Variants in UBE2G2 observed in about 807,000 individuals in gnomAD.
UBE2G2 encodes the protein ubiquitin-conjugating enzyme E2 G2.
A neutral mutation model predicts 23.0 loss-of-function variants in UBE2G2; 10 were observed. The ratio of observed to expected loss-of-function variants is 0.43; its 90% confidence interval spans 0.27 to 0.74. The LOEUF is 0.74. Ranked by LOEUF, UBE2G2 falls within the 30% of genes least tolerant of loss-of-function variation. UBE2G2 has a pLI of 0.19. For synonymous variants in UBE2G2, 86 were observed against 81.3 expected (o/e 1.06, Z -0.31); for missense variants, 150 against 218.3 (o/e 0.69, Z 1.97).
Position 44,771,578 on chromosome 21 carries a change from G to A in UBE2G2, c.386-89C>T, listed in dbSNP as rs1273828062. ...TCTCCCATTTATTTAAAACACTGGCGGGGGCTTTCAAGAGCTGTGTCCCAG... is the reference window on the plus strand; with the variant it reads ...TCTCCCATTTATTTAAAACACTGGCAGGGGCTTTCAAGAGCTGTGTCCCAG... On this transcript the variant is annotated intron_variant, in intron 5 of 5. Transcript: ENST00000345496. This position sits in a 1 kb window ranked among gnomAD's most constrained non-coding sequence, Gnocchi z 4.6. 1.2e-5 allele frequency: 17 copies of A among 1,361,660 alleles called. No individual in the cohort carries two copies. Among genetic ancestry groups the A allele is most frequent in the South Asian group, 8.4e-5 (7 of 83,762 alleles). 84.3% of individuals were successfully genotyped at this position (1,361,660 alleles called of 1,614,324 possible). A position where few individuals can be genotyped will look rare whatever the true frequency, so the allele number is the denominator to read the frequency against.
At chr21:44,787,186 T>C (rs1239508041) in intron 3 of UBE2G2, among the ~76,000 whole-genome samples, 4 of 151,906 alleles carry the variant, frequency 2.6e-5, no homozygotes, top group Non-Finnish European at 5.9e-5. Context: ...CTCACTTTGC[T>C]GAAAATACAC....
At chr21:44,784,876 G>A (rs1303537837) in intron 3 of UBE2G2, among the ~76,000 whole-genome samples, 1 of 152,240 alleles carries the variant, frequency 6.6e-6, no homozygotes, top group Non-Finnish European at 1.5e-5. Context: ...CACCAAGCCA[G>A]CTGATTTGGG....
intron 3 of UBE2G2, among the ~76,000 whole-genome samples, chr21:44,778,040 A>G (rs2082926439): frequency 6.6e-6 from 1 of 152,198 alleles, no homozygotes; most frequent in South Asian, 2.1e-4. Context: ...CAGAGAAAAG[A>G]ACTAATGTCA....
chr21:44,771,253 G>T lies in UBE2G2; in HGVS notation c.*124C>A. On this transcript the variant is annotated 3_prime_UTR_variant, in exon 6 of 6. Transcript: ENST00000345496. This position sits in a 1 kb window ranked among gnomAD's most constrained non-coding sequence, Gnocchi z 4.6. ...TAGGAAAGGTTTGAAAAAAAAAAAA[G>T]ATGCCATGGTTCTTGCAAGTCTGCC... 9.0e-6 allele frequency: 7 copies of T among 778,722 alleles called. No individual in the cohort carries two copies. Among genetic ancestry groups the T allele is most frequent in the Non-Finnish European group, 1.4e-5 (7 of 490,632 alleles). 48.2% of individuals were successfully genotyped at this position (778,722 alleles called of 1,614,324 possible). A position where few individuals can be genotyped will look rare whatever the true frequency, so the allele number is the denominator to read the frequency against.
At position 44,772,308 on chromosome 21, in the gene UBE2G2, C is replaced by T. The variant is rs1235769512; in HGVS notation, c.386-819G>A. ...CCACTCAGCACATGAAGAGGGTTCA[C>T]GCCTCAGCCCTCTCAGGATACACAC... On this transcript the variant is annotated intron_variant, in intron 5 of 5. Coordinates refer to ENST00000345496, the MANE Select transcript of UBE2G2 (RefSeq NM_003343.6). The surrounding 1 kb of genome is among the most constrained non-coding windows in gnomAD (Gnocchi z 5.4). Among the ~76,000 whole-genome samples, 1 of 152,116 alleles carries T rather than the reference C, an allele frequency of 6.6e-6. No individual in the cohort carries two copies. The highest frequency in any genetic ancestry group is 1.5e-5 in the Non-Finnish European group (1 of 68,010).
Position 44,777,323 on chromosome 21 carries a change from T to G in UBE2G2, c.220A>C (p.Thr74Pro), listed in dbSNP as rs11545486. The change falls in exon 4 of 6, where the codon ACC becomes CCC. Residue 74 changes from threonine (T) to proline (P), a missense_variant. Coordinates refer to ENST00000345496, the MANE Select transcript of UBE2G2 (RefSeq NM_003343.6). Reference sequence around the variant, plus strand: ...CTGTTGGGATGAAACATCTCACAGGTAAATCTCATCTTTGGGGGACTTAAC... The same window carrying G: ...CTGTTGGGATGAAACATCTCACAGGGAAATCTCATCTTTGGGGGACTTAAC... ...YPLSPPKMRF[T>P]CEMFHPNIYP... The G allele has an allele frequency of 1.2e-6, 2 of 1,614,014 alleles. No homozygotes were observed. Among genetic ancestry groups the G allele is most frequent in the Non-Finnish European group, 1.7e-6 (2 of 1,179,996 alleles).
chr21:44,789,562 G>C (rs548004724), intron 1 of UBE2G2, among the ~76,000 whole-genome samples: 1 of 151,996 alleles, frequency 6.6e-6, no homozygotes, highest in Admixed American at 6.6e-5. Context: ...TGACTCGAGG[G>C]AACACAGAGC....
chr21:44,793,465 T>C (rs1555963228), intron 1 of UBE2G2, among the ~76,000 whole-genome samples: 9 of 152,190 alleles, frequency 5.9e-5, no homozygotes. Flanking sequence ...GGGTGTGCGC[T>C]GGCCTTCCCG....
Position 44,777,348 on chromosome 21 carries a change from C to T in UBE2G2, c.195G>A (p.Pro65=), listed in dbSNP as rs782627070. The change falls in exon 4 of 6, where the codon CCG becomes CCA. Residue 65 remains proline (P), a synonymous_variant. Transcript: ENST00000345496. ...PAILSFPLDY[P]LSPPKMRFTC... is the part of the protein sequence containing the mutation. ...TAAATCTCATCTTTGGGGGACTTAA[C>T]GGGTAATCAAGTGGGAAACTCAGGA... The T allele has an allele frequency of 3.8e-5, 62 of 1,613,970 alleles. No individual in the cohort carries two copies. Among genetic ancestry groups the T allele is most frequent in the South Asian group, 3.3e-4 (30 of 91,074 alleles).
chr21:44,781,625 T>C (rs970616295), intron 3 of UBE2G2, among the ~76,000 whole-genome samples: 1 of 152,196 alleles, frequency 6.6e-6, no homozygotes, highest in Non-Finnish European at 1.5e-5. Flanking sequence ...AGTGCCTTCC[T>C]GCACTTTCCT....
Position 44,787,920 on chromosome 21 carries a change from A to G in UBE2G2, c.125T>C (p.Met42Thr). Reference sequence around the variant, plus strand: ...ACTAGTACACCTAAAATTAACTTACATGATCAATGCCTCCCATTCAAAAAA... The same window carrying G: ...ACTAGTACACCTAAAATTAACTTACGTGATCAATGCCTCCCATTCAAAAAA... Reference protein sequence around the residue: ...ENFFEWEALIMGPEDTCFEFG... With the variant: ...ENFFEWEALITGPEDTCFEFG... The change falls in exon 3 of 6, where the codon ATG (methionine) becomes ACG (threonine). Residue 42 changes from methionine to threonine, a missense_variant and splice_region_variant. Transcript: ENST00000345496. 6.2e-7 allele frequency: 1 copy of G among 1,613,896 alleles called. No homozygotes were observed. Among genetic ancestry groups the G allele is most frequent in the South Asian group, 1.1e-5 (1 of 91,008 alleles).
At chr21:44,797,287 G>A (rs988334161) in intron 1 of UBE2G2, among the ~76,000 whole-genome samples, 28 of 152,178 alleles carry the variant, frequency 1.8e-4, no homozygotes, top group African/African-American at 6.0e-4. Flanking sequence ...GCTTCTGTCA[G>A]GACAATAAAA....
chr21:44,773,748 TGG>T, intron 4 of UBE2G2, 61 bp from the exon 5 acceptor site: 1 of 1,581,888 alleles, frequency 6.3e-7, no homozygotes, highest in Non-Finnish European at 8.6e-7. Context: ...TCGCCGCGCT[TGG>T]GCAGGCTCCA....
intron 3 of UBE2G2, among the ~76,000 whole-genome samples, chr21:44,779,710 G>A (rs545598926): frequency 2.6e-5 from 4 of 152,174 alleles, no homozygotes; most frequent in Admixed American, 6.5e-5. Flanking sequence ...CAGAGCAAAC[G>A]ATAACCACCA....
rs79829038 is a variant in UBE2G2 at position 44,778,534 on chromosome 21, G to C, written c.126-1117C>G. On this transcript the variant is annotated intron_variant, in intron 3 of 5. Coordinates refer to ENST00000345496, the MANE Select transcript of UBE2G2 (RefSeq NM_003343.6). ...TATCTTGACCAACAGTTCAAGGCAT[G>C]ATGGCCACAGGAGAGGAAGAGTGTC... 1.5e-3 allele frequency among the ~76,000 whole-genome samples: 232 copies of C among 152,202 alleles called. 7 individuals are homozygous for C. In the East Asian group the frequency reaches 0.036, roughly 23 times the overall value.
rs2083010674 is a variant in UBE2G2 at position 44,788,100 on chromosome 21, A to G, written c.44-5T>C. On this transcript the variant is annotated splice_polypyrimidine_tract_variant and splice_region_variant and intron_variant, in intron 1 of 5. Coordinates refer to ENST00000345496, the MANE Select transcript of UBE2G2 (RefSeq NM_003343.6). The stretch of plus-strand genomic sequence containing the variant: ...CCGGAGGATTCAGTGTTAATTCTAT[A>G]AAATTAATAAGTAAAACCATTACCA... The G allele has an allele frequency of 6.3e-7, 1 of 1,599,374 alleles. No individual in the cohort carries two copies. The highest frequency in any genetic ancestry group is 8.5e-7 in the Non-Finnish European group (1 of 1,174,692).
At chr21:44,781,100 C>T (rs73232945) in intron 3 of UBE2G2, among the ~76,000 whole-genome samples, 12,547 of 152,256 alleles carry the variant, frequency 0.082, 642 homozygotes, top group Non-Finnish European at 0.11. Context: ...AAGTCTCCAA[C>T]GCACATGTGA....
chr21:44,784,139 G>C (rs1337353585), intron 3 of UBE2G2, among the ~76,000 whole-genome samples: 1 of 148,472 alleles, frequency 6.7e-6, no homozygotes, highest in African/African-American at 2.5e-5. Flanking sequence ...CTGGGTGACA[G>C]AGCTAGACCA....
chr21:44,771,485 G>A lies in UBE2G2; in HGVS notation c.390C>T (p.Pro130=), dbSNP rs140029290. 7.1e-3 allele frequency: 11,440 copies of A among 1,610,952 alleles called. 68 individuals are homozygous for A. Among genetic ancestry groups the A allele is most frequent in the South Asian group, 0.015 (1,352 of 91,088 alleles). The change falls in exon 6 of 6, where the codon CCC becomes CCT. Residue 130 remains proline, a synonymous_variant. Coordinates refer to ENST00000345496, the MANE Select transcript of UBE2G2 (RefSeq NM_003343.6). The surrounding 1 kb of genome is among the most constrained non-coding windows in gnomAD (Gnocchi z 4.6). ...LLSVVSMLAE[P]NDESGANVDA... is the part of the protein sequence containing the mutation. ...CCACGTTAGCTCCACTTTCGTCATT[G>A]GGCTCTGAAAGAAAAGGGAACACCC...
Sources: allele counts gnomAD v4.1 joint callset (sites outside exome capture counted in the v4.1 genomes callset), GRCh38; gene constraint gnomAD v4.1.1; non-coding constraint Gnocchi (gnomAD v3.1); transcripts MANE v1.5; gene names NCBI Gene and HGNC (gene_info 2026-07-23, HGNC 2026-07-21).